The following PRKG1 variants were observed in gnomAD, a reference collection of about 807,000 sequenced individuals.
PRKG1 encodes cGMP-dependent protein kinase 1.
A neutral mutation model predicts 88.1 loss-of-function variants in PRKG1; 35 were observed. That is an observed-to-expected ratio of 0.40 (90% CI 0.30 to 0.53). The LOEUF (loss-of-function observed/expected upper bound fraction) is 0.53. Among genes scored for constraint, PRKG1 ranks in the 20% least tolerant of loss-of-function variants. The probability of loss-of-function intolerance (pLI) is 0.59; values close to 1 mark genes in which losing one functional copy is unlikely to be tolerated. For synonymous variants in PRKG1, 303 were observed against 292.5 expected (o/e 1.04, Z -0.37); for missense variants, 540 against 839.8 (o/e 0.64, Z 4.41).
chr10:51,232,940 G>C (rs944142696), intron 2 of PRKG1, among the ~76,000 whole-genome samples: 6 of 152,136 alleles, frequency 3.9e-5, no homozygotes, highest in Non-Finnish European at 8.8e-5. Context: ...ATTCAACAGA[G>C]GTAAAGCAGA....
intron 2 of PRKG1, among the ~76,000 whole-genome samples, chr10:51,183,985 T>C (rs916740152): frequency 1.3e-5 from 2 of 152,184 alleles, no homozygotes; most frequent in Admixed American, 6.5e-5. Flanking sequence ...CACCCATCAC[T>C]CTAGACAGGC....
intron 3 of PRKG1, among the ~76,000 whole-genome samples, chr10:51,642,439 C>A (rs998232334): frequency 2.0e-5 from 3 of 152,010 alleles, no homozygotes; most frequent in Admixed American, 6.5e-5. Context: ...AGTATTACCC[C>A]CCTCATTATG....
intron 5 of PRKG1, among the ~76,000 whole-genome samples, chr10:51,954,717 C>G (rs1843262722): frequency 6.6e-6 from 1 of 152,182 alleles, no homozygotes; most frequent in African/African-American, 2.4e-5. Context: ...AACTCAATAA[C>G]TGATCAGAGA....
intron 5 of PRKG1, among the ~76,000 whole-genome samples, chr10:51,943,011 G>C (rs890968706): frequency 5.3e-5 from 8 of 151,918 alleles, no homozygotes; most frequent in African/African-American, 1.9e-4. Context: ...TAGCTTGATG[G>C]GGATGGCATT....
intron 3 of PRKG1, among the ~76,000 whole-genome samples, chr10:51,608,180 A>ATACT (rs149475774): frequency 0.049 from 7,413 of 152,278 alleles, 210 homozygotes; most frequent in Middle Eastern, 0.099. Context: ...CAGACTGCAT[A>ATACT]TACTATAACC....
intron 3 of PRKG1, among the ~76,000 whole-genome samples, chr10:51,559,509 C>T (rs572147133): frequency 3.6e-4 from 55 of 152,196 alleles, no homozygotes; most frequent in Non-Finnish European, 7.6e-4. Flanking sequence ...AAATGGGAAA[C>T]TCACAAACCA....
chr10:52,127,200 A>G (rs1016399667), intron 7 of PRKG1, among the ~76,000 whole-genome samples: 1 of 152,174 alleles, frequency 6.6e-6, no homozygotes, highest in Admixed American at 6.6e-5. Flanking sequence ...AGAGTTAAAA[A>G]ATGAATCCAA....
intron 2 of PRKG1, among the ~76,000 whole-genome samples, chr10:51,250,541 C>T (rs1490870367): frequency 6.6e-6 from 1 of 151,722 alleles, no homozygotes; most frequent in Non-Finnish European, 1.5e-5. Flanking sequence ...TTGTGTCTCC[C>T]AGCTTACTAC....
At chr10:51,360,210 G>A (rs754268780) in intron 2 of PRKG1, among the ~76,000 whole-genome samples, 27 of 151,882 alleles carry the variant, frequency 1.8e-4, no homozygotes, top group Non-Finnish European at 3.5e-4. Context: ...TGCTGATACT[G>A]GAGATGTATG....
intron 3 of PRKG1, among the ~76,000 whole-genome samples, chr10:51,561,129 A>T (rs1028647584): frequency 7.2e-5 from 11 of 152,004 alleles, no homozygotes; most frequent in Non-Finnish European, 1.3e-4. Context: ...AAAAGAAAAA[A>T]TTAGCTGGGT....
At chr10:51,713,629 C>T (rs570659153) in intron 3 of PRKG1, among the ~76,000 whole-genome samples, 12 of 152,086 alleles carry the variant, frequency 7.9e-5, no homozygotes, top group Admixed American at 5.9e-4. Context: ...AAGAAAAACA[C>T]GTAAAACAGC....
intron 3 of PRKG1, among the ~76,000 whole-genome samples, chr10:51,753,887 G>T (rs1350514920): frequency 1.3e-5 from 2 of 152,102 alleles, no homozygotes; most frequent in African/African-American, 4.8e-5. Context: ...TGAAGCTCAT[G>T]AACATTCTTT....
intron 2 of PRKG1, among the ~76,000 whole-genome samples, chr10:51,275,492 C>T (rs1840091211): frequency 6.6e-6 from 1 of 152,008 alleles, no homozygotes; most frequent in South Asian, 2.1e-4. Context: ...GAGTTGGGTG[C>T]AAAGGGAGTG....
chr10:51,718,284 T>C (rs1359197561), intron 3 of PRKG1, among the ~76,000 whole-genome samples: 3 of 152,158 alleles, frequency 2.0e-5, no homozygotes, highest in Non-Finnish European at 4.4e-5. Flanking sequence ...AATAAGAGTA[T>C]TCCTGGCAGA....
rs113875374 is a variant in PRKG1 at position 52,100,287 on chromosome 10, G to A, written c.936-33553G>A. Among the ~76,000 whole-genome samples the A allele has an allele frequency of 3.3e-5, 5 of 152,278 alleles. No homozygotes were observed. The South Asian group carries it at 8.3e-4, about 25-fold the overall frequency. On this transcript the variant is annotated intron_variant, in intron 7 of 17. Transcript: ENST00000373980. ...GCTTCTGTTGTATCTCTAGGGAAGCGTTAAGACAAGTCCAAAATCAGCAGC... is the reference window on the plus strand; with the variant it reads ...GCTTCTGTTGTATCTCTAGGGAAGCATTAAGACAAGTCCAAAATCAGCAGC...
chr10:51,900,072 C>G (rs1489675968), intron 4 of PRKG1, among the ~76,000 whole-genome samples: 1 of 152,138 alleles, frequency 6.6e-6, no homozygotes, highest in Non-Finnish European at 1.5e-5. Context: ...TTACAGCCTG[C>G]AGAATCATTA....
intron 2 of PRKG1, among the ~76,000 whole-genome samples, chr10:51,379,261 G>T (rs1842874249): frequency 6.6e-6 from 1 of 152,162 alleles, no homozygotes; most frequent in Non-Finnish European, 1.5e-5. Context: ...AAGAGGAGGA[G>T]AAAAGCTAAC....
intron 4 of PRKG1, among the ~76,000 whole-genome samples, chr10:51,837,219 G>A (rs999735369): frequency 2.0e-5 from 3 of 152,120 alleles, no homozygotes; most frequent in Non-Finnish European, 4.4e-5. Context: ...TATTTGCTCC[G>A]AGGGTAGAAC....
At chr10:51,205,388 C>T (rs1337977322) in intron 2 of PRKG1, among the ~76,000 whole-genome samples, 4 of 151,324 alleles carry the variant, frequency 2.6e-5, no homozygotes, top group East Asian at 1.9e-4. Context: ...CTGTCTGCCT[C>T]GGCCTCCCAC....
Sources: gnomAD v4.1 joint callset for allele counts (sites outside exome capture counted in the v4.1 genomes callset) on GRCh38, gnomAD v4.1.1 for gene constraint, MANE v1.5 for transcripts, NCBI Gene and HGNC (gene_info 2026-07-23, HGNC 2026-07-21) for gene names.